COL18A1: variants seen among roughly 807,000 people sequenced by gnomAD.
COL18A1 encodes the protein collagen type XVIII alpha 1 chain, also known as collagen alpha-1(XVIII) chain.
Under a neutral mutation model 168.0 loss-of-function variants are expected in COL18A1, and 133 were observed. The ratio of observed to expected loss-of-function variants is 0.79; its 90% CI spans 0.69 to 0.91. The LOEUF (loss-of-function observed/expected upper bound fraction) is 0.91. COL18A1 is among the 40% of genes least tolerant of loss of function. The probability of loss-of-function intolerance (pLI) is 0.00; values close to 1 mark genes in which losing one functional copy is unlikely to be tolerated. For synonymous variants in COL18A1, 949 were observed against 809.0 expected (o/e 1.17, Z -2.94); for missense variants, 2,126 against 1,925.4 (o/e 1.10, Z -1.95).
At chr21:45,479,852 G>C (rs779214669) in intron 9 of COL18A1, 50 bp from the exon 10 acceptor site, 1 of 1,611,214 alleles carries the variant, frequency 6.2e-7, no homozygotes, top group Non-Finnish European at 8.5e-7. Context: ...TGCTGGGTGC[G>C]GCCCATGGTG....
intron 2 of COL18A1, among the ~76,000 whole-genome samples, chr21:45,458,906 C>T (rs563983063): frequency 3.6e-4 from 55 of 152,342 alleles, no homozygotes; most frequent in Admixed American, 5.9e-4. Context: ...GGCACAGCTG[C>T]ATGGCTTGGG....
intron 2 of COL18A1, among the ~76,000 whole-genome samples, chr21:45,430,790 CA>C (rs1456947614): frequency 1.3e-5 from 2 of 152,216 alleles, no homozygotes; most frequent in Non-Finnish European, 2.9e-5. Flanking sequence ...ACTCGTCCAC[CA>C]AAGCAAGCTC....
Position 45,509,486 on chromosome 21 carries a change from G to A in COL18A1, c.3380G>A (p.Arg1127His), listed in dbSNP as rs370102608. Reference protein sequence around the residue: ...RADDILASPPRLPEPQPYPGA... With the variant: ...RADDILASPPHLPEPQPYPGA... The stretch of plus-strand genomic sequence containing the variant: ...GATGACATCCTGGCCAGCCCCCCTC[G>A]CCTGCCCGAGCCCCAGCCCTACCCC... The change falls in exon 39 of 42, where the codon CGC becomes CAC. Residue 1127 changes from arginine to histidine, a missense_variant. Transcript: ENST00000651438. 30 of 1,523,356 alleles carry A rather than the reference G, an allele frequency of 2.0e-5. No homozygotes were observed. The highest frequency in any genetic ancestry group is 2.4e-5 in the East Asian group (1 of 41,490). The allele number at this position is 1,523,356 out of a possible 1,614,324, so 94.4% of individuals were successfully genotyped here. A position where few individuals can be genotyped will look rare whatever the true frequency, so the allele number is the denominator to read the frequency against.
chr21:45,496,172 CT>C (rs2036537677), intron 29 of COL18A1: 4 of 503,952 alleles, frequency 7.9e-6, no homozygotes. Flanking sequence ...ACTCTGCTGT[CT>C]TTTGAGCCAA....
intron 11 of COL18A1, 143 bp from the exon 12 acceptor site, chr21:45,480,324 T>C (rs2035848164): frequency 1.3e-6 from 2 of 1,484,144 alleles, no homozygotes; most frequent in Non-Finnish European, 1.8e-6. Context: ...GCCTTCAGGC[T>C]TCTCTGGGGG....
rs776491581 is a variant in COL18A1, at chr21:45,491,332, G to A, written c.2157+18G>A. The A allele has an allele frequency of 1.3e-6, 2 of 1,588,182 alleles. No individual in the cohort carries two copies. The highest frequency in any genetic ancestry group is 1.7e-5 in the Admixed American group (1 of 59,684). ...AGCAGGACGTAAGGACGCTGCGTGG[G>A]TGGGCACCCAATCTGTCCAGACCCC... On this transcript the variant is annotated intron_variant, in intron 22 of 41. Transcript: ENST00000651438.
rs372080967 is a variant in COL18A1, at chr21:45,455,902, C to T, written c.107-12340C>T. ...ACGTGGCCAAAGGCATCCGGAGCTT[C>T]GTCCAGCTGTGGAATGACACTGTCC... On this transcript the variant is annotated intron_variant, in intron 2 of 41. Transcript: ENST00000651438. 32 of 1,612,996 alleles carry T rather than the reference C, an allele frequency of 2.0e-5. No homozygotes were observed. The highest frequency in any genetic ancestry group is 1.6e-4 in the African/African-American group (12 of 74,924).
At chr21:45,447,265 C>T (rs1434663985) in intron 2 of COL18A1, among the ~76,000 whole-genome samples, 1 of 151,374 alleles carries the variant, frequency 6.6e-6, no homozygotes, top group Admixed American at 6.6e-5. Flanking sequence ...AAGTTCTAAC[C>T]TCTAAAAAGT....
At chr21:45,489,107 C>T (rs2036212900) in intron 18 of COL18A1, among the ~76,000 whole-genome samples, 1 of 152,256 alleles carries the variant, frequency 6.6e-6, no homozygotes, top group Non-Finnish European at 1.5e-5. Flanking sequence ...GCCATGGCAC[C>T]TGCTCCTTTG....
At chr21:45,448,518 C>CA (rs1569294467) in intron 2 of COL18A1, among the ~76,000 whole-genome samples, 1 of 152,242 alleles carries the variant, frequency 6.6e-6, no homozygotes. Flanking sequence ...TCCACACATC[C>CA]GTGTACACGC....
At chr21:45,488,859 C>T (rs189186886) in intron 18 of COL18A1, among the ~76,000 whole-genome samples, 1 of 151,860 alleles carries the variant, frequency 6.6e-6, no homozygotes, top group African/African-American at 2.4e-5. Flanking sequence ...TCCTCTGCTC[C>T]CCCCATCCCT....
In COL18A1 at chr21:45,436,409, A is replaced by G. The variant is rs77440813; in HGVS notation, c.106+30936A>G. Among the ~76,000 whole-genome samples, 45 of 152,266 alleles carry G rather than the reference A, an allele frequency of 3.0e-4. No homozygotes were observed. The East Asian group carries it at 6.2e-3, about 21-fold the overall frequency. ...GGGACTGTGCCGCCGCCCCATTGTG[A>G]ATCTGTGTTCATTTTCCTGACTTCC... On this transcript the variant is annotated intron_variant, in intron 2 of 41. Coordinates refer to ENST00000651438, the MANE Select transcript of COL18A1 (RefSeq NM_001379500.1).
intron 2 of COL18A1, among the ~76,000 whole-genome samples, chr21:45,435,265 G>A (rs866031070): frequency 1.4e-3 from 174 of 122,102 alleles, no homozygotes; most frequent in African/African-American, 5.0e-3. Context: ...AGAGGAAGAA[G>A]GGGGTGGGGG....
At chr21:45,478,400 C>T in intron 9 of COL18A1, 47 bp downstream of exon 9, 1 of 1,613,840 alleles carries the variant, frequency 6.2e-7, no homozygotes, top group South Asian at 1.1e-5. Context: ...GTGATGTTTG[C>T]TTAGACCCCA....
rs1332229144 is a variant in COL18A1 at position 45,431,477 on chromosome 21, C to T, written c.106+26004C>T. ...GGGGAGGGGGGCAGGCAGGACCCGGCGGCCCAGGGGAGGGGGCAGGCAGGA... is the reference window on the plus strand; with the variant it reads ...GGGGAGGGGGGCAGGCAGGACCCGGTGGCCCAGGGGAGGGGGCAGGCAGGA... On this transcript the variant is annotated intron_variant, in intron 2 of 41. Coordinates refer to ENST00000651438, the MANE Select transcript of COL18A1 (RefSeq NM_001379500.1). 5.2e-5 allele frequency among the ~76,000 whole-genome samples: 3 copies of T among 57,788 alleles called. 1 individual carries two copies. The allele number at this position is 57,788 out of a possible 152,430, so 37.9% of individuals were successfully genotyped here.
At chr21:45,490,740 T>C in intron 20 of COL18A1, 96 bp from the exon 21 acceptor site, 1 of 1,356,184 alleles carries the variant, frequency 7.4e-7, no homozygotes, top group Non-Finnish European at 1.0e-6. Context: ...GGTCGGGAAA[T>C]AAAGAACCCC....
At chr21:45,411,034 G>A (rs2033273847) in intron 2 of COL18A1, among the ~76,000 whole-genome samples, 1 of 152,204 alleles carries the variant, frequency 6.6e-6, no homozygotes, top group Non-Finnish European at 1.5e-5. Flanking sequence ...CTTTGTTTTG[G>A]GAGGAATCAC....
At chr21:45,415,347 C>T (rs1032967038) in intron 2 of COL18A1, among the ~76,000 whole-genome samples, 93 of 152,284 alleles carry the variant, frequency 6.1e-4, no homozygotes, top group Non-Finnish European at 2.4e-4. Flanking sequence ...GATGAGTCCT[C>T]GGCCTTCGGA....
chr21:45,438,601 A>G (rs11089003), intron 2 of COL18A1, among the ~76,000 whole-genome samples: 32,428 of 152,174 alleles, frequency 0.21, 3,427 homozygotes, highest in East Asian at 0.25. Context: ...CAGGAAAGGG[A>G]AAGGGGCAGT....
Sources: allele counts gnomAD v4.1 joint callset (sites outside exome capture counted in the v4.1 genomes callset), GRCh38; gene constraint gnomAD v4.1.1; transcripts MANE v1.5; gene names NCBI Gene and HGNC (gene_info 2026-07-23, HGNC 2026-07-21).